The following ZYG11A variants were observed in gnomAD, a reference collection of about 807,000 sequenced individuals.
The protein encoded by ZYG11A is protein zyg-11 homolog A.
In ZYG11A, 62 loss-of-function variants were observed where a neutral mutation model predicts 77.2. That is an observed-to-expected ratio of 0.80 (90% CI 0.65 to 0.99). The LOEUF is 0.99. ZYG11A is among the 50% of genes least tolerant of loss of function. The pLI is 0.00. For missense variants in ZYG11A, 828 were observed against 896.8 expected, an observed-to-expected ratio of 0.92 and a Z score of 0.98; for synonymous variants, 315 against 324.6, an observed-to-expected ratio of 0.97 and a Z score of 0.32.
At chr1:52,888,997 C>T (rs2150023839) in intron 13 of ZYG11A, among the ~76,000 whole-genome samples, 1 of 152,252 alleles carries the variant, frequency 6.6e-6, no homozygotes. Context: ...GAGAAACTAA[C>T]CGAAACTAGA....
intron 4 of ZYG11A, 78 bp from the exon 5 acceptor site, chr1:52,863,903 G>T (rs978538773): frequency 2.3e-6 from 3 of 1,321,406 alleles, no homozygotes; most frequent in African/African-American, 3.0e-5. Context: ...ACGAAGATTT[G>T]TGCCAATCAA....
intron 10 of ZYG11A, among the ~76,000 whole-genome samples, chr1:52,878,252 T>C (rs892787136): frequency 6.6e-6 from 1 of 152,224 alleles, no homozygotes; most frequent in African/African-American, 2.4e-5. Flanking sequence ...CTGGTCTGTC[T>C]GGTCTCATGT....
At chr1:52,888,605 G>C (rs941784204) in intron 13 of ZYG11A, among the ~76,000 whole-genome samples, 16 of 152,220 alleles carry the variant, frequency 1.1e-4, no homozygotes, top group Admixed American at 2.0e-4. Context: ...TGATCTGCCC[G>C]CCTCAGCCTC....
At chr1:52,882,369 T>G (rs79972429) in intron 11 of ZYG11A, among the ~76,000 whole-genome samples, 1 of 152,334 alleles carries the variant, frequency 6.6e-6, no homozygotes, top group East Asian at 1.9e-4. Flanking sequence ...TCTGTACACT[T>G]CACCTTCTCA....
rs190484906 is a variant in ZYG11A, at chr1:52,857,292, G to C, written c.551G>C (p.Arg184Pro). 6.4e-7 allele frequency: 1 copy of C among 1,551,920 alleles called. No homozygotes were observed. The highest frequency in any genetic ancestry group is 1.4e-5 in the African/African-American group (1 of 73,120). ...LLFFSQLTGL[R>P]ILSVFNVCFH... ...TTCTTTAGTCAGCTCACTGGTCTTC[G>C]CATTTTAAGTGTTTTTAATGTTTGT... Residue 184 changes from arginine to proline, a missense_variant, in exon 3 of 14, where the codon CGC (arginine) becomes CCC (proline). Transcript: ENST00000371528.
At chr1:52,858,279 C>G (rs985914462) in intron 3 of ZYG11A, among the ~76,000 whole-genome samples, 3 of 149,770 alleles carry the variant, frequency 2.0e-5, no homozygotes, top group Non-Finnish European at 4.4e-5. Flanking sequence ...GCCTGTAGTC[C>G]CAGCTACTTG....
At chr1:52,843,024 T>C (rs942433360) in intron 1 of ZYG11A, 51 bp downstream of exon 1, 9 of 1,451,700 alleles carry the variant, frequency 6.2e-6, no homozygotes, top group Non-Finnish European at 6.4e-6. Flanking sequence ...CACGTCCAGC[T>C]CCGGCGAGCG....
At chr1:52,852,001 G>A (rs1370144036) in intron 1 of ZYG11A, among the ~76,000 whole-genome samples, 2 of 150,106 alleles carry the variant, frequency 1.3e-5, no homozygotes, top group African/African-American at 4.9e-5. Flanking sequence ...TGCAACCTCC[G>A]CCTCCCGGGT....
intron 1 of ZYG11A, among the ~76,000 whole-genome samples, chr1:52,849,807 C>T (rs11578862): frequency 2.2e-4 from 34 of 151,398 alleles, no homozygotes; most frequent in Non-Finnish European, 2.2e-4. Flanking sequence ...CTCAGCCTCC[C>T]GAGTAGCTGG....
chr1:52,881,834 C>G (rs1271028268), intron 11 of ZYG11A, 169 bp downstream of exon 11: 1 of 525,960 alleles, frequency 1.9e-6, no homozygotes, highest in Non-Finnish European at 3.2e-6. Context: ...CATTTTGTTG[C>G]ATATGACTTA....
At chr1:52,871,319 T>G (rs536206386) in intron 8 of ZYG11A, among the ~76,000 whole-genome samples, 66 of 152,062 alleles carry the variant, frequency 4.3e-4, no homozygotes, top group Non-Finnish European at 5.7e-4. Flanking sequence ...ATTTCTGTTC[T>G]TTTTTTTCTT....
intron 10 of ZYG11A, among the ~76,000 whole-genome samples, chr1:52,879,499 G>A (rs3931976): frequency 0.019 from 2,931 of 152,206 alleles, 95 homozygotes; most frequent in African/African-American, 0.066. Context: ...ATTAATACTG[G>A]AAATCTGGAA....
chr1:52,859,660 G>GTATACCTATACTA (rs71044431), intron 3 of ZYG11A, among the ~76,000 whole-genome samples: 58,691 of 115,342 alleles, frequency 0.51, 16,698 homozygotes, highest in Non-Finnish European at 0.61. Context: ...ATCTGTTTGT[G>GTATACCTATACTA]TATTGCCTTT....
At position 52,857,288 on chromosome 1, in the gene ZYG11A, C is replaced by T. The variant is rs143289227; in HGVS notation, c.547C>T (p.Leu183Phe). 1.3e-6 allele frequency: 2 copies of T among 1,552,064 alleles called. No homozygotes were observed. Among genetic ancestry groups the T allele is most frequent in the Non-Finnish European group, 1.7e-6 (2 of 1,147,110 alleles). ...RLLFFSQLTG[L>F]RILSVFNVCF... is the part of the protein sequence containing the mutation. ...ACTGTTCTTTAGTCAGCTCACTGGT[C>T]TTCGCATTTTAAGTGTTTTTAATGT... The change falls in exon 3 of 14, where the codon CTT becomes TTT. Residue 183 changes from leucine (L) to phenylalanine (F), a missense_variant. Physicochemically the swap from Leu to Phe is conservative, Grantham distance 22 (BLOSUM62 0). Coordinates refer to ENST00000371528, the MANE Select transcript of ZYG11A (RefSeq NM_001004339.3).
intron 8 of ZYG11A, among the ~76,000 whole-genome samples, chr1:52,876,988 CA>C (rs1366274512): frequency 2.0e-5 from 3 of 152,076 alleles, no homozygotes; most frequent in African/African-American, 7.2e-5. Context: ...TTAAGTGAAC[CA>C]GTGGCCTCTT....
At chr1:52,847,035 A>T (rs1645600140) in intron 1 of ZYG11A, among the ~76,000 whole-genome samples, 1 of 151,486 alleles carries the variant, frequency 6.6e-6, no homozygotes, top group Non-Finnish European at 1.5e-5. Context: ...TTTAGTAGAG[A>T]CGGGGTTTCA....
chr1:52,870,001 G>A lies in ZYG11A; in HGVS notation c.1542+2224G>A, dbSNP rs569870898. 3.6e-3 allele frequency among the ~76,000 whole-genome samples: 373 copies of A among 104,016 alleles called. 4 individuals carry two copies. The highest frequency in any genetic ancestry group is 0.011 in the African/African-American group (321 of 29,452). The allele number at this position is 104,016 out of a possible 152,430, so 68.2% of individuals were successfully genotyped here. A position where few individuals can be genotyped will look rare whatever the true frequency, so the allele number is the denominator to read the frequency against. ...CCCCCTCCCGGGCGGGGCGGCTGCC[G>A]GGTGGAGGGGCTCCTCACTTCTCAG... On this transcript the variant is annotated intron_variant, in intron 8 of 13. Transcript: ENST00000371528.
intron 6 of ZYG11A, among the ~76,000 whole-genome samples, chr1:52,866,822 T>C (rs1242804944): frequency 6.6e-6 from 1 of 152,226 alleles, no homozygotes; most frequent in African/African-American, 2.4e-5. Flanking sequence ...TCTTTGCTTA[T>C]TATAAGTTTC....
At chr1:52,850,561 G>A (rs559567058) in intron 1 of ZYG11A, among the ~76,000 whole-genome samples, 2 of 151,870 alleles carry the variant, frequency 1.3e-5, no homozygotes, top group Admixed American at 1.3e-4. Context: ...CTTGTGATTC[G>A]CCTGCCTCAG....
Sources: gnomAD v4.1 joint callset for allele counts (sites outside exome capture counted in the v4.1 genomes callset) on GRCh38, gnomAD v4.1.1 for gene constraint, MANE v1.5 for transcripts, NCBI Gene and HGNC (gene_info 2026-07-23, HGNC 2026-07-21) for gene names.